The following GLYATL1 variants were observed in gnomAD, a reference collection of about 807,000 sequenced individuals.
GLYATL1 encodes glycine-N-acyltransferase like 1.
In GLYATL1, 15 loss-of-function variants were observed where a neutral mutation model predicts 20.0. The observed-to-expected ratio is 0.75, with a 90% CI of 0.50 to 1.15. GLYATL1 has a LOEUF of 1.15. Among genes scored for constraint, GLYATL1 ranks in the 50% most tolerant of loss-of-function variants. The probability of loss-of-function intolerance (pLI) is 0.00; values close to 1 mark genes in which losing one functional copy is unlikely to be tolerated. For synonymous variants in GLYATL1, 151 were observed against 131.5 expected, an observed-to-expected ratio of 1.15 and a Z score of -1.01; for missense variants, 380 against 368.5, an observed-to-expected ratio of 1.03 and a Z score of -0.26.
chr11:58,935,490 C>T (rs1190042070), upstream of GLYATL1: 2 of 152,200 alleles, frequency 1.3e-5, no homozygotes, highest in Non-Finnish European at 2.9e-5. Flanking sequence ...TGCTACACAA[C>T]ATTTCTGTAA....
At chr11:58,913,394 G>A (rs115142514), downstream of GLYATL1, among the ~76,000 whole-genome samples, 453 of 152,188 alleles carry the variant, frequency 3.0e-3, 5 homozygotes, top group African/African-American at 0.011. Flanking sequence ...GAGGAGAAAT[G>A]ACAAGTGGGT....
At chr11:58,905,981 G>A (rs1056667098) in intron 1 of GLYATL1, among the ~76,000 whole-genome samples, 1 of 152,170 alleles carries the variant, frequency 6.6e-6, no homozygotes, top group African/African-American at 2.4e-5. Flanking sequence ...GCTCCCTCCC[G>A]CGCGCCAGCC....
intron 2 of GLYATL1, among the ~76,000 whole-genome samples, chr11:58,944,265 A>G (rs1359730288): frequency 6.6e-6 from 1 of 152,200 alleles, no homozygotes. Context: ...CAGTTTTGGC[A>G]CTATTGGATG....
rs780856583 is a variant in GLYATL1, at chr11:58,955,802, A to G, written c.684A>G (p.Glu228=). The stretch of plus-strand genomic sequence containing the variant: ...GGGTAACCATGGACCCTTCTTGTGA[A>G]GTAGGAATGGCCTACAGCATGGAAA... ...VSWVTMDPSC[E]VGMAYSMEKY... The change falls in exon 7 of 7, where the codon GAA becomes GAG. Residue 228 remains glutamate (E), a synonymous_variant. Coordinates refer to ENST00000532726, the MANE Select transcript of GLYATL1 (RefSeq NM_001389712.2). 9.3e-6 allele frequency: 15 copies of G among 1,614,232 alleles called. No homozygotes were observed. Among genetic ancestry groups the G allele is most frequent in the Middle Eastern group, 3.3e-4 (2 of 6,062 alleles).
chr11:58,924,233 T>C (rs1159274805), upstream of GLYATL1, among the ~76,000 whole-genome samples: 1 of 152,250 alleles, frequency 6.6e-6, no homozygotes, highest in African/African-American at 2.4e-5. Context: ...ATTGTAGTTC[T>C]ACTAACGATT....
chr11:58,912,908 A>C (rs1855085106), downstream of GLYATL1, among the ~76,000 whole-genome samples: 1 of 152,230 alleles, frequency 6.6e-6, no homozygotes, highest in Non-Finnish European at 1.5e-5. Context: ...GATCAAGAAC[A>C]TACAAAGGTA....
At chr11:58,945,319 G>A (rs500462) in intron 2 of GLYATL1, among the ~76,000 whole-genome samples, 2 of 151,892 alleles carry the variant, frequency 1.3e-5, no homozygotes, top group Non-Finnish European at 2.9e-5. Context: ...AATGTTGATG[G>A]TAGGAATACA....
chr11:58,907,173 T>G (rs983423963), intron 1 of GLYATL1: 6 of 448,760 alleles, frequency 1.3e-5, no homozygotes, highest in Admixed American at 7.1e-5. Flanking sequence ...CAGTACACAG[T>G]TGAATACTTT....
downstream of GLYATL1, among the ~76,000 whole-genome samples, chr11:58,913,088 G>A (rs1855089656): frequency 6.6e-6 from 1 of 152,170 alleles, no homozygotes; most frequent in South Asian, 2.1e-4. Context: ...CAATGTAGCT[G>A]GGATCAAGGG....
chr11:58,947,265 G>A, intron 3 of GLYATL1, 100 bp downstream of exon 3: 1 of 1,464,352 alleles, frequency 6.8e-7, no homozygotes, highest in South Asian at 1.4e-5. Context: ...TTTGCAGAGG[G>A]TTGGAGCTGG....
intron 1 of GLYATL1, 137 bp from the exon 2 acceptor site, chr11:58,943,406 A>C: frequency 6.5e-7 from 1 of 1,529,054 alleles, no homozygotes; most frequent in Non-Finnish European, 8.8e-7. Flanking sequence ...TTTGTCTATA[A>C]ATTCATTTTG....
chr11:58,951,014 G>A (rs1856952008), intron 4 of GLYATL1, among the ~76,000 whole-genome samples: 1 of 151,950 alleles, frequency 6.6e-6, no homozygotes, highest in East Asian at 1.9e-4. Context: ...TTTTATTGAT[G>A]GAGATTTTGA....
At chr11:58,924,539 G>A (rs1232226298), upstream of GLYATL1, among the ~76,000 whole-genome samples, 2 of 152,130 alleles carry the variant, frequency 1.3e-5, no homozygotes, top group African/African-American at 4.8e-5. Flanking sequence ...TAATATTTCT[G>A]GCACCATTCT....
intron 1 of GLYATL1, chr11:58,933,596 A>G (rs1855695694): frequency 6.6e-6 from 1 of 152,096 alleles, no homozygotes; most frequent in Non-Finnish European, 1.5e-5. Flanking sequence ...CAGTTCATAA[A>G]CTATTATTTT....
At chr11:58,945,228 T>C (rs989288904) in intron 2 of GLYATL1, among the ~76,000 whole-genome samples, 1 of 152,116 alleles carries the variant, frequency 6.6e-6, no homozygotes, top group African/African-American at 2.4e-5. Context: ...TTTTGTGTTA[T>C]GTGTCCTTTA....
At chr11:58,919,327 A>G (rs1855253713) in intron 1 of GLYATL1, among the ~76,000 whole-genome samples, 1 of 152,166 alleles carries the variant, frequency 6.6e-6, no homozygotes, top group Non-Finnish European at 1.5e-5. Flanking sequence ...TTGGAGGAGG[A>G]CCATGGGCAA....
At chr11:58,923,876 A>G (rs966474951), upstream of GLYATL1, among the ~76,000 whole-genome samples, 3 of 152,240 alleles carry the variant, frequency 2.0e-5, no homozygotes, top group Admixed American at 6.5e-5. Context: ...TCACCTGTGA[A>G]TTAAGATAAT....
At chr11:58,906,459 G>A (rs1854888832) in intron 1 of GLYATL1, among the ~76,000 whole-genome samples, 1 of 152,104 alleles carries the variant, frequency 6.6e-6, no homozygotes, top group African/African-American at 2.4e-5. Flanking sequence ...GAGAGCTCCT[G>A]TTCAAAGTTC....
chr11:58,921,665 T>G (rs575912988), intron 1 of GLYATL1, among the ~76,000 whole-genome samples: 1 of 152,342 alleles, frequency 6.6e-6, no homozygotes, highest in Admixed American at 6.5e-5. Flanking sequence ...ACCGCATCCA[T>G]GACCCCTTGC....
Sources: allele counts gnomAD v4.1 joint callset (sites outside exome capture counted in the v4.1 genomes callset), GRCh38; gene constraint gnomAD v4.1.1; transcripts MANE v1.5; gene names NCBI Gene and HGNC (gene_info 2026-07-23, HGNC 2026-07-21).